The following YWHAE variants were observed in gnomAD, a reference collection of about 807,000 sequenced individuals.
YWHAE encodes the protein 14-3-3 protein epsilon.
Under a neutral mutation model 30.1 loss-of-function variants are expected in YWHAE, and 4 were observed. The ratio of observed to expected loss-of-function variants is 0.13; its 90% CI spans 0.07 to 0.30. The LOEUF is 0.30. YWHAE is among the 10% of genes least tolerant of loss of function. The pLI is 1.00. For synonymous variants in YWHAE, 118 were observed against 111.8 expected, an observed-to-expected ratio of 1.06 and a Z score of -0.35; for missense variants, 121 against 315.9, an observed-to-expected ratio of 0.38 and a Z score of 4.68.
chr17:1,384,439 C>T (rs532283970), intron 1 of YWHAE, among the ~76,000 whole-genome samples: 94 of 150,332 alleles, frequency 6.3e-4, no homozygotes, highest in Non-Finnish European at 1.1e-3. Flanking sequence ...CGCCTGTAAT[C>T]CCAGCACTTT....
At chr17:1,380,913 T>G (rs962581817) in intron 1 of YWHAE, among the ~76,000 whole-genome samples, 1 of 152,200 alleles carries the variant, frequency 6.6e-6, no homozygotes, top group African/African-American at 2.4e-5. Context: ...CACAATCCCT[T>G]GTTCCCCTTC....
chr17:1,381,203 C>T (rs910273664), intron 1 of YWHAE, among the ~76,000 whole-genome samples: 2 of 152,116 alleles, frequency 1.3e-5, no homozygotes, highest in African/African-American at 2.4e-5. Flanking sequence ...CATGGCGAAA[C>T]CCCACCTCCA....
intron 2 of YWHAE, among the ~76,000 whole-genome samples, chr17:1,363,181 G>T (rs2072889709): frequency 6.6e-6 from 1 of 152,062 alleles, no homozygotes; most frequent in African/African-American, 2.4e-5. Context: ...TCCACTCTTG[G>T]CCCGTGGCTT....
intron 1 of YWHAE, among the ~76,000 whole-genome samples, chr17:1,386,536 GTT>G (rs956075146): frequency 6.6e-6 from 1 of 152,306 alleles, no homozygotes; most frequent in African/African-American, 2.4e-5. Context: ...TTGGGAACTT[GTT>G]TTTTAGTACT....
intron 1 of YWHAE, among the ~76,000 whole-genome samples, chr17:1,381,180 C>A (rs1476979093): frequency 6.6e-6 from 1 of 152,150 alleles, no homozygotes; most frequent in Non-Finnish European, 1.5e-5. Flanking sequence ...GAGTTACAGA[C>A]TGGCCTGGCC....
intron 1 of YWHAE, chr17:1,399,123 T>A (rs2073522283): frequency 6.6e-6 from 1 of 152,042 alleles, no homozygotes; most frequent in African/African-American, 2.4e-5. Context: ...AAAGTCATCG[T>A]TTTTACAAAC....
At chr17:1,398,152 A>G (rs1170720867) in intron 1 of YWHAE, among the ~76,000 whole-genome samples, 2 of 152,208 alleles carry the variant, frequency 1.3e-5, no homozygotes, top group African/African-American at 4.8e-5. Flanking sequence ...CAATACCCAC[A>G]AAATAGAAAG....
rs538754888 is a variant in YWHAE, at chr17:1,354,327, T to C, written c.599A>G (p.Asp200Gly). 1.2e-6 allele frequency: 2 copies of C among 1,613,896 alleles called. No individual in the cohort carries two copies. The highest frequency in any genetic ancestry group is 1.3e-5 in the African/African-American group (1 of 75,068). Residue 200 changes from aspartate (D) to glycine (G), a missense_variant, in exon 5 of 6, where the codon GAT becomes GGT. Coordinates refer to ENST00000264335, the MANE Select transcript of YWHAE (RefSeq NM_006761.5). ...RACRLAKAAFDDAIAELDTLS... is the reference protein window; with the variant it reads ...RACRLAKAAFGDAIAELDTLS... Reference sequence around the variant, plus strand: ...CGTATCCAGTTCTGCAATTGCATCATCAAAAGCTGCTTTTGCCAACCTAAA... The same window carrying C: ...CGTATCCAGTTCTGCAATTGCATCACCAAAAGCTGCTTTTGCCAACCTAAA...
chr17:1,400,210 G>C lies in YWHAE; in HGVS notation c.-100C>G. On this transcript the variant is annotated 5_prime_UTR_variant, in exon 1 of 6. Coordinates refer to ENST00000264335, the MANE Select transcript of YWHAE (RefSeq NM_006761.5). ...TCCGCGTCCGGGCAGCAAAAATGGC[G>C]GCGCCTCAATCCGGGACTTCCGCCT... The C allele has an allele frequency of 7.0e-7, 1 of 1,422,240 alleles. No homozygotes were observed. Among genetic ancestry groups the C allele is most frequent in the South Asian group, 1.2e-5 (1 of 86,100 alleles). 88.1% of individuals were successfully genotyped at this position (1,422,240 alleles called of 1,614,324 possible). A position where few individuals can be genotyped will look rare whatever the true frequency, so the allele number is the denominator to read the frequency against.
At chr17:1,357,217 C>T (rs140806985) in intron 4 of YWHAE, among the ~76,000 whole-genome samples, 1 of 151,772 alleles carries the variant, frequency 6.6e-6, no homozygotes, top group Non-Finnish European at 1.5e-5. Context: ...TCCTGGCTAA[C>T]ACGGTGAAAC....
intron 1 of YWHAE, among the ~76,000 whole-genome samples, chr17:1,378,928 G>A (rs1005039681): frequency 3.2e-4 from 47 of 146,592 alleles, no homozygotes; most frequent in African/African-American, 1.1e-3. Context: ...CCAGCCTGGC[G>A]ACAAGAGCAA....
intron 1 of YWHAE, among the ~76,000 whole-genome samples, chr17:1,367,427 ACT>A (rs1283577327): frequency 1.3e-5 from 2 of 152,064 alleles, no homozygotes; most frequent in South Asian, 2.1e-4. Context: ...ACATGGTGAG[ACT>A]CTGCCTCTAC....
At position 1,349,774 on chromosome 17, in the gene YWHAE, G is replaced by A. The variant is rs532150345; in HGVS notation, c.716-4275C>T. Among the ~76,000 whole-genome samples the A allele has an allele frequency of 2.6e-3, 391 of 151,508 alleles. 2 individuals carry two copies. Among genetic ancestry groups the A allele is most frequent in the Non-Finnish European group, 4.3e-3 (289 of 67,952 alleles). On this transcript the variant is annotated intron_variant, in intron 5 of 5. Coordinates refer to ENST00000264335, the MANE Select transcript of YWHAE (RefSeq NM_006761.5). ...ACTACAGGCGCCCACCACCACGCCC[G>A]GGTAATTTTTTTTGTATTTTTAGTA...
At chr17:1,371,660 G>A (rs545840419) in intron 1 of YWHAE, among the ~76,000 whole-genome samples, 3 of 152,226 alleles carry the variant, frequency 2.0e-5, no homozygotes, top group African/African-American at 7.2e-5. Flanking sequence ...CCTGTCCTAT[G>A]GAGCTAGACA....
At chr17:1,387,556 C>T (rs2073317480) in intron 1 of YWHAE, among the ~76,000 whole-genome samples, 1 of 151,896 alleles carries the variant, frequency 6.6e-6, no homozygotes, top group East Asian at 1.9e-4. Context: ...ATTAACTTTA[C>T]ATTCAGATTT....
At chr17:1,395,767 C>T (rs1272064739) in intron 1 of YWHAE, among the ~76,000 whole-genome samples, 1 of 152,172 alleles carries the variant, frequency 6.6e-6, no homozygotes, top group African/African-American at 2.4e-5. Context: ...TGCTCCCTTC[C>T]CTGTTCTTCA....
intron 4 of YWHAE, among the ~76,000 whole-genome samples, chr17:1,356,049 G>C (rs2072735469): frequency 6.6e-6 from 1 of 152,150 alleles, no homozygotes; most frequent in Non-Finnish European, 1.5e-5. Flanking sequence ...GGTGCCTGTA[G>C]TCCCAGCTAC....
At chr17:1,387,791 T>G (rs547882672) in intron 1 of YWHAE, among the ~76,000 whole-genome samples, 1 of 149,186 alleles carries the variant, frequency 6.7e-6, no homozygotes, top group African/African-American at 2.6e-5. Flanking sequence ...CCCGTCTAAT[T>G]TTTTGTATAT....
At chr17:1,370,934 A>G (rs2073033208) in intron 1 of YWHAE, among the ~76,000 whole-genome samples, 1 of 151,336 alleles carries the variant, frequency 6.6e-6, no homozygotes, top group Admixed American at 6.6e-5. Context: ...CGGGAGGCGG[A>G]GCTGCAGTGA....
Sources: allele counts gnomAD v4.1 joint callset (sites outside exome capture counted in the v4.1 genomes callset), GRCh38; gene constraint gnomAD v4.1.1; transcripts MANE v1.5; gene names NCBI Gene and HGNC (gene_info 2026-07-23, HGNC 2026-07-21).